The following LRBA variants were observed in gnomAD, a reference collection of about 807,000 sequenced individuals.
The protein encoded by LRBA is lipopolysaccharide-responsive and beige-like anchor protein.
A neutral mutation model predicts 330.0 loss-of-function variants in LRBA; 176 were observed. That is an observed-to-expected ratio of 0.53 (90% CI 0.47 to 0.60). The LOEUF (loss-of-function observed/expected upper bound fraction) is 0.60, where lower values mean the gene tolerates loss of function less well. Ranked by LOEUF, LRBA falls within the 20% of genes least tolerant of loss-of-function variation. LRBA has a pLI of 0.00. For missense variants in LRBA, 3,259 were observed against 3,444.8 expected, an observed-to-expected ratio of 0.95 and a Z score of 1.35; for synonymous variants, 1,230 against 1,193.0, an observed-to-expected ratio of 1.03 and a Z score of -0.64.
chr4:150,425,400 G>T (rs1270743905), intron 46 of LRBA, among the ~76,000 whole-genome samples: 1 of 152,096 alleles, frequency 6.6e-6, no homozygotes, highest in Non-Finnish European at 1.5e-5. Context: ...ACTTAATTAG[G>T]TAGATGGGTC....
At chr4:150,978,723 GA>G (rs1740496366) in intron 2 of LRBA, among the ~76,000 whole-genome samples, 1 of 152,084 alleles carries the variant, frequency 6.6e-6, no homozygotes, top group Non-Finnish European at 1.5e-5. Context: ...TTTGAGAATT[GA>G]AAAATGAAAC....
chr4:150,733,884 G>A (rs1730839721), intron 36 of LRBA, among the ~76,000 whole-genome samples: 1 of 152,064 alleles, frequency 6.6e-6, no homozygotes, highest in African/African-American at 2.4e-5. Flanking sequence ...AAATGTTCAA[G>A]ATCCAGGTAC....
In LRBA at chr4:150,683,729, A is replaced by G; in HGVS notation, c.5755-12T>C. ...TGGGCACACAGTGACTTGGAGAGAA[A>G]AAAAAATAATACTATAAAAAATGTG... On this transcript the variant is annotated splice_polypyrimidine_tract_variant and intron_variant, in intron 36 of 56. Transcript: ENST00000651943. The G allele has an allele frequency of 1.3e-6, 2 of 1,560,224 alleles. No individual in the cohort carries two copies. Among genetic ancestry groups the G allele is most frequent in the South Asian group, 1.2e-5 (1 of 82,060 alleles).
chr4:150,730,659 C>T (rs545359646), intron 36 of LRBA, among the ~76,000 whole-genome samples: 5 of 117,848 alleles, frequency 4.2e-5, no homozygotes, highest in South Asian at 2.7e-4. Context: ...CTCCAGCCTG[C>T]GTGACAGAGT....
intron 52 of LRBA, among the ~76,000 whole-genome samples, chr4:150,307,029 T>C (rs1200067024): frequency 6.6e-6 from 1 of 152,058 alleles, no homozygotes; most frequent in Non-Finnish European, 1.5e-5. Context: ...ATAAATTCTA[T>C]AAAATTGTGT....
intron 40 of LRBA, among the ~76,000 whole-genome samples, chr4:150,566,173 A>G (rs573569029): frequency 6.6e-6 from 1 of 152,266 alleles, no homozygotes; most frequent in East Asian, 1.9e-4. Context: ...AGGTTACTAT[A>G]GCTTGCTACT....
At chr4:150,747,461 C>A in intron 35 of LRBA, among the ~76,000 whole-genome samples, 1 of 152,186 alleles carries the variant, frequency 6.6e-6, no homozygotes, top group East Asian at 1.9e-4. Context: ...TGCCTGGGGA[C>A]CCAGCAGTGC....
chr4:150,423,087 A>C, intron 46 of LRBA: 2 of 809,360 alleles, frequency 2.5e-6, no homozygotes, highest in Non-Finnish European at 4.5e-6. Context: ...CCTCTGGGGA[A>C]GAGCTCCAAG....
At position 150,350,003 on chromosome 4, in the gene LRBA, C is replaced by T; in HGVS notation, c.7351G>A (p.Val2451Met). The change falls in exon 48 of 57, where the codon GTG (valine) becomes ATG (methionine). Residue 2451 changes from valine (V) to methionine (M), a missense_variant. Physicochemically the swap from Val to Met is conservative, Grantham distance 21. Coordinates refer to ENST00000651943, the MANE Select transcript of LRBA (RefSeq NM_001364905.1). ...TTCAGATAACTTACCTCTCTCAACA[C>T]AGGATCAGTTATTGAATTCAGATTG... ...AVNLNSITDPVLREAVEAQIR... is the reference protein window; with the variant it reads ...AVNLNSITDPMLREAVEAQIR... The T allele has an allele frequency of 1.2e-6, 2 of 1,613,566 alleles. No individual in the cohort carries two copies. Among genetic ancestry groups the T allele is most frequent in the Non-Finnish European group, 1.7e-6 (2 of 1,179,720 alleles).
rs778875109 is a variant in LRBA, at chr4:150,852,230, T to C, written c.3480A>G (p.Lys1160=). 3.1e-6 allele frequency: 5 copies of C among 1,614,100 alleles called. No individual in the cohort carries two copies. The highest frequency in any genetic ancestry group is 4.2e-6 in the Non-Finnish European group (5 of 1,179,988). The change falls in exon 23 of 57, where the codon AAA becomes AAG. Residue 1160 remains lysine (K), a synonymous_variant. Coordinates refer to ENST00000651943, the MANE Select transcript of LRBA (RefSeq NM_001364905.1). ...TATCAGTTTGCTTTTCAGTAACAGG[T>C]TTTCCTTCTTGAAATATTAATTTGT... The part of the protein sequence containing the change: ...NDDKLIFQEG[K]PVTEKQTDTE...
chr4:150,592,142 G>A (rs1268287464), intron 38 of LRBA, among the ~76,000 whole-genome samples: 4 of 96,086 alleles, frequency 4.2e-5, no homozygotes, highest in Non-Finnish European at 8.2e-5. Flanking sequence ...CGGATGGCTA[G>A]GGTTTTTTTT....
intron 44 of LRBA, among the ~76,000 whole-genome samples, chr4:150,447,166 A>G (rs543543222): frequency 1.2e-4 from 19 of 152,318 alleles, no homozygotes; most frequent in African/African-American, 4.3e-4. Context: ...CCTTCCCTTT[A>G]TCAACTGGAA....
intron 2 of LRBA, among the ~76,000 whole-genome samples, chr4:151,006,315 G>C (rs62344623): frequency 0.11 from 16,628 of 152,054 alleles, 1,274 homozygotes; most frequent in South Asian, 0.29. Flanking sequence ...GACAGAGGGA[G>C]ACTCCGTCTC....
At chr4:150,508,393 C>T (rs1761415987) in intron 40 of LRBA, among the ~76,000 whole-genome samples, 1 of 152,018 alleles carries the variant, frequency 6.6e-6, no homozygotes, top group Non-Finnish European at 1.5e-5. Flanking sequence ...GACGATTCTC[C>T]TGCCTCAGCC....
intron 2 of LRBA, among the ~76,000 whole-genome samples, chr4:150,984,951 T>A (rs895527526): frequency 6.6e-6 from 1 of 152,194 alleles, no homozygotes; most frequent in Non-Finnish European, 1.5e-5. Flanking sequence ...CTTAAGAAAG[T>A]AATTAAGCAT....
chr4:150,671,196 G>A lies in LRBA; in HGVS notation c.5921+12355C>T, dbSNP rs190159022. 7.2e-5 allele frequency among the ~76,000 whole-genome samples: 11 copies of A among 152,164 alleles called. No homozygotes were observed. The East Asian group carries it at 1.9e-3, about 27-fold the overall frequency. On this transcript the variant is annotated intron_variant, in intron 37 of 56. Coordinates refer to ENST00000651943, the MANE Select transcript of LRBA (RefSeq NM_001364905.1). ...TCCAGCACATTCTCACCTACCTGCT[G>A]CAGATAATCAATATTATTAGTCTAT... is the stretch of plus-strand genomic sequence containing the variant.
chr4:150,722,412 G>A (rs944853022), intron 36 of LRBA, among the ~76,000 whole-genome samples: 1 of 151,856 alleles, frequency 6.6e-6, no homozygotes, highest in Non-Finnish European at 1.5e-5. Context: ...AAAATGAAGA[G>A]TGAGTATTGA....
At chr4:150,375,827 T>G (rs1286672286) in intron 47 of LRBA, among the ~76,000 whole-genome samples, 1 of 152,188 alleles carries the variant, frequency 6.6e-6, no homozygotes, top group Non-Finnish European at 1.5e-5. Flanking sequence ...TTTCTCTTCT[T>G]GTTTTCTGAA....
intron 46 of LRBA, among the ~76,000 whole-genome samples, chr4:150,433,191 G>A (rs1260201973): frequency 6.6e-6 from 1 of 152,078 alleles, no homozygotes; most frequent in Non-Finnish European, 1.5e-5. Flanking sequence ...AGAATAATAA[G>A]AAAAATAAGG....
Sources: allele counts gnomAD v4.1 joint callset (sites outside exome capture counted in the v4.1 genomes callset), GRCh38; gene constraint gnomAD v4.1.1; transcripts MANE v1.5; gene names NCBI Gene and HGNC (gene_info 2026-07-23, HGNC 2026-07-21).